DNAJC17: variants seen among roughly 807,000 people sequenced by gnomAD.
DNAJC17 encodes dnaJ homolog subfamily C member 17.
DNAJC17 carries 35 observed loss-of-function variants against 48.1 expected under a neutral mutation model. The observed-to-expected ratio is 0.73, with a 90% CI of 0.56 to 0.96. The LOEUF (loss-of-function observed/expected upper bound fraction) is 0.96, where lower values mean the gene tolerates loss of function less well. DNAJC17 is among the 50% of genes least tolerant of loss of function. DNAJC17 has a pLI of 0.00. For synonymous variants in DNAJC17, 117 were observed against 142.7 expected, an observed-to-expected ratio of 0.82 and a Z score of 1.28; for missense variants, 355 against 377.1, an observed-to-expected ratio of 0.94 and a Z score of 0.48.
chr15:40,798,501 G>A (rs1459256369), intron 1 of DNAJC17, among the ~76,000 whole-genome samples: 1 of 152,190 alleles, frequency 6.6e-6, no homozygotes, highest in Non-Finnish European at 1.5e-5. Flanking sequence ...ATGGTAAGCA[G>A]TAAATTTTGC....
At position 40,770,448 on chromosome 15, in the gene DNAJC17, G is replaced by T; in HGVS notation, c.793-2386C>A. On this transcript the variant is annotated intron_variant, in intron 10 of 10. Coordinates refer to ENST00000220496, the MANE Select transcript of DNAJC17 (RefSeq NM_018163.3). The surrounding 1 kb of genome is among the most constrained non-coding windows in gnomAD (Gnocchi z 5.0). ...CTCACTGCCCCAGCAGGGACCACATGCACCCTGGCTGCTCCTGAACACCTG... is the reference window on the plus strand; with the variant it reads ...CTCACTGCCCCAGCAGGGACCACATTCACCCTGGCTGCTCCTGAACACCTG... 6.6e-7 allele frequency: 1 copy of T among 1,506,564 alleles called. No homozygotes were observed. The allele number at this position is 1,506,564 out of a possible 1,614,324, so 93.3% of individuals were successfully genotyped here. A position where few individuals can be genotyped will look rare whatever the true frequency, so the allele number is the denominator to read the frequency against.
At chr15:40,803,101 CA>C (rs780051630) in intron 1 of DNAJC17, among the ~76,000 whole-genome samples, 511 of 45,390 alleles carry the variant, frequency 0.011, no homozygotes, top group Non-Finnish European at 0.013. Context: ...GACCCTGGGT[CA>C]AAAAAAAAAA....
intron 9 of DNAJC17, chr15:40,774,103 G>T: frequency 1.7e-6 from 1 of 598,652 alleles, no homozygotes; most frequent in Non-Finnish European, 3.0e-6. Flanking sequence ...CAGGTGGAGG[G>T]TGTGAAGGCA....
chr15:40,773,242 G>A (rs1889207406), intron 10 of DNAJC17, among the ~76,000 whole-genome samples: 1 of 152,200 alleles, frequency 6.6e-6, no homozygotes, highest in African/African-American at 2.4e-5. Context: ...TTAACGGCAT[G>A]AGCCACTGCG....
intron 1 of DNAJC17, chr15:40,780,280 C>A: frequency 1.7e-6 from 1 of 588,068 alleles, no homozygotes; most frequent in Non-Finnish European, 3.2e-6. Context: ...CACAGTACCC[C>A]GCTTTCTCGA....
intron 3 of DNAJC17, 42 bp from the exon 4 acceptor site, chr15:40,779,352 A>T (rs1163541599): frequency 3.7e-6 from 6 of 1,607,436 alleles, no homozygotes; most frequent in Non-Finnish European, 5.1e-6. Flanking sequence ...TCAGTGAGAG[A>T]GTAAAGACAG....
rs1235494821 is a variant in DNAJC17, at chr15:40,767,914, T to A, written c.*26A>T. On this transcript the variant is annotated 3_prime_UTR_variant, in exon 11 of 11. Coordinates refer to ENST00000220496, the MANE Select transcript of DNAJC17 (RefSeq NM_018163.3). ...TATTGGTGACGTTGAAGAAAAGGGCTGAGGGGTGGATGGCTGGAGCTGGGG... is the reference window on the plus strand; with the variant it reads ...TATTGGTGACGTTGAAGAAAAGGGCAGAGGGGTGGATGGCTGGAGCTGGGG... 1.9e-6 allele frequency: 3 copies of A among 1,607,882 alleles called. No homozygotes were observed. In the South Asian group the frequency reaches 3.3e-5, roughly 18 times the overall value.
At position 40,767,913 on chromosome 15, in the gene DNAJC17, C is replaced by CTG; in HGVS notation, c.*25_*26dup. On this transcript the variant is annotated 3_prime_UTR_variant, in exon 11 of 11. Coordinates refer to ENST00000220496, the MANE Select transcript of DNAJC17 (RefSeq NM_018163.3). ...TTATTGGTGACGTTGAAGAAAAGGGCTGAGGGGTGGATGGCTGGAGCTGGG... is the reference window on the plus strand; with the variant it reads ...TTATTGGTGACGTTGAAGAAAAGGGCTGTGAGGGGTGGATGGCTGGAGCTGGG... 6.2e-7 allele frequency: 1 copy of CTG among 1,608,348 alleles called. No homozygotes were observed. Among genetic ancestry groups the CTG allele is most frequent in the Non-Finnish European group, 8.5e-7 (1 of 1,178,444 alleles).
intron 1 of DNAJC17, among the ~76,000 whole-genome samples, chr15:40,790,419 T>C (rs1400180706): frequency 2.0e-5 from 3 of 151,712 alleles, no homozygotes; most frequent in Non-Finnish European, 4.4e-5. Flanking sequence ...ACTAAAAATA[T>C]AAAAATCAGC....
chr15:40,798,013 C>G (rs1189052952), intron 1 of DNAJC17, among the ~76,000 whole-genome samples: 1 of 152,210 alleles, frequency 6.6e-6, no homozygotes, highest in African/African-American at 2.4e-5. Flanking sequence ...TGAGCCACCA[C>G]ACCTGGCTCA....
In DNAJC17 at chr15:40,769,624, C is replaced by G. The variant is rs1889067261; in HGVS notation, c.793-1562G>C. 6.6e-6 allele frequency among the ~76,000 whole-genome samples: 1 copy of G among 152,240 alleles called. No individual in the cohort carries two copies. The highest frequency in any genetic ancestry group is 2.1e-4 in the South Asian group (1 of 4,834). ...TGACAGCGGGGCTGAGTCACCCATA[C>G]CAGCTACAGGTCTCTTCCTTCCCCA... On this transcript the variant is annotated intron_variant, in intron 10 of 10. Transcript: ENST00000220496. The surrounding 1 kb of genome is among the most constrained non-coding windows in gnomAD (Gnocchi z 4.2).
intron 10 of DNAJC17, 125 bp downstream of exon 10, chr15:40,773,602 G>T: frequency 1.4e-6 from 1 of 691,836 alleles, no homozygotes; most frequent in Non-Finnish European, 2.4e-6. Flanking sequence ...TGCCTGGGTT[G>T]GTGGACCTGC....
In DNAJC17 at chr15:40,766,783, T is replaced by G; in HGVS notation, c.*1157A>C. The G allele has an allele frequency of 6.5e-6, 1 of 153,362 alleles. No homozygotes were observed. The highest frequency in any genetic ancestry group is 1.5e-5 in the Non-Finnish European group (1 of 68,752). The allele number at this position is 153,362 out of a possible 1,614,324, so 9.5% of individuals were successfully genotyped here. On this transcript the variant is annotated 3_prime_UTR_variant, in exon 11 of 11. Coordinates refer to ENST00000220496, the MANE Select transcript of DNAJC17 (RefSeq NM_018163.3). ...CCAGGGCAGTGAGGGGCCTGGAGGC[T>G]TATTTTTTTTTGAAATGGAGTCTCT...
At chr15:40,796,051 A>G (rs561869254) in intron 1 of DNAJC17, among the ~76,000 whole-genome samples, 1 of 152,366 alleles carries the variant, frequency 6.6e-6, no homozygotes, top group South Asian at 2.1e-4. Flanking sequence ...CTGAAATGCA[A>G]TTCTGCATTA....
chr15:40,781,254 C>T (rs1217832895), intron 1 of DNAJC17, among the ~76,000 whole-genome samples: 1 of 151,688 alleles, frequency 6.6e-6, no homozygotes, highest in Non-Finnish European at 1.5e-5. Flanking sequence ...AATCCTGGCA[C>T]TTTGGGAGGC....
intron 1 of DNAJC17, among the ~76,000 whole-genome samples, chr15:40,794,807 TTCCGGGTTCAAGTGATTC>T: frequency 6.6e-6 from 1 of 152,164 alleles, no homozygotes; most frequent in African/African-American, 2.4e-5. Context: ...AACCTCTGCC[TTCCGGGTTCAAGTGATTC>T]TCCTGCCTCA....
intron 10 of DNAJC17, chr15:40,771,255 T>C (rs540256360): frequency 1.4e-5 from 8 of 563,302 alleles, no homozygotes; most frequent in Non-Finnish European, 2.3e-5. Context: ...CTGGAAATGT[T>C]GGGGGGGCGG....
intron 1 of DNAJC17, among the ~76,000 whole-genome samples, chr15:40,793,657 G>A (rs1047882377): frequency 2.6e-5 from 4 of 151,928 alleles, no homozygotes; most frequent in South Asian, 2.1e-4. Context: ...AGCTGGGGGC[G>A]ATTCATATTT....
intron 1 of DNAJC17, among the ~76,000 whole-genome samples, chr15:40,783,068 TG>T (rs1889547061): frequency 6.7e-6 from 1 of 149,148 alleles, no homozygotes; most frequent in Non-Finnish European, 1.5e-5. Flanking sequence ...CTTAAGACAG[TG>T]TCATCTTTGC....
Sources: gnomAD v4.1 joint callset for allele counts (sites outside exome capture counted in the v4.1 genomes callset) on GRCh38, gnomAD v4.1.1 for gene constraint, Gnocchi (gnomAD v3.1) non-coding constraint, MANE v1.5 for transcripts, NCBI Gene and HGNC (gene_info 2026-07-23, HGNC 2026-07-21) for gene names.